FOXP2: variants seen among roughly 807,000 people sequenced by gnomAD.
The protein encoded by FOXP2 is forkhead box protein P2.
In FOXP2, 12 loss-of-function variants were observed where a neutral mutation model predicts 115.8. The ratio of observed to expected loss-of-function variants is 0.10; its 90% confidence interval spans 0.07 to 0.17. The LOEUF (loss-of-function observed/expected upper bound fraction) is 0.17, where lower values mean the gene tolerates loss of function less well. FOXP2 is among the 10% of genes least tolerant of loss of function. FOXP2 has a pLI of 1.00. For missense variants in FOXP2, 629 were observed against 843.5 expected, an observed-to-expected ratio of 0.75 and a Z score of 3.15; for synonymous variants, 328 against 297.7, an observed-to-expected ratio of 1.10 and a Z score of -1.05.
intron 6 of FOXP2, among the ~76,000 whole-genome samples, chr7:114,633,749 T>G (rs1805052374): frequency 6.6e-6 from 1 of 152,224 alleles, no homozygotes; most frequent in Non-Finnish European, 1.5e-5. Flanking sequence ...TACGGTACTA[T>G]GCTGGAATCC....
chr7:114,090,430 T>A (rs908558445), intron 1 of FOXP2, among the ~76,000 whole-genome samples: 3 of 151,884 alleles, frequency 2.0e-5, no homozygotes, highest in African/African-American at 7.2e-5. Flanking sequence ...TACTACTCTT[T>A]GATAAAAGAA....
chr7:114,480,716 T>C (rs960362979), intron 2 of FOXP2, among the ~76,000 whole-genome samples: 4 of 150,696 alleles, frequency 2.7e-5, no homozygotes, highest in African/African-American at 7.3e-5. Context: ...TATGTGCATG[T>C]ATATACATAT....
chr7:114,328,103 A>G (rs1797603559), intron 2 of FOXP2, among the ~76,000 whole-genome samples: 1 of 149,950 alleles, frequency 6.7e-6, no homozygotes, highest in Admixed American at 6.6e-5. Flanking sequence ...TTTTTCTTGT[A>G]GAGATGGGGT....
chr7:114,192,619 T>C (rs1448912642), intron 1 of FOXP2, among the ~76,000 whole-genome samples: 1 of 152,230 alleles, frequency 6.6e-6, no homozygotes, highest in Non-Finnish European at 1.5e-5. Flanking sequence ...ATCTAGGTTG[T>C]TTCATACAGC....
chr7:114,609,160 C>T (rs1161304229), intron 3 of FOXP2, among the ~76,000 whole-genome samples: 1 of 151,038 alleles, frequency 6.6e-6, no homozygotes, highest in African/African-American at 2.4e-5. Context: ...TTACAGTGAG[C>T]TGAGATTGCG....
At chr7:114,220,277 C>A (rs927520774) in intron 1 of FOXP2, among the ~76,000 whole-genome samples, 1 of 151,896 alleles carries the variant, frequency 6.6e-6, no homozygotes, top group Non-Finnish European at 1.5e-5. Flanking sequence ...GAACAAAATT[C>A]ATAAACCTAC....
chr7:114,506,927 G>C (rs555177386), intron 2 of FOXP2, among the ~76,000 whole-genome samples: 84 of 151,696 alleles, frequency 5.5e-4, no homozygotes, highest in African/African-American at 1.9e-3. Context: ...GCTTGTTGTA[G>C]GAGTAAATGT....
intron 3 of FOXP2, among the ~76,000 whole-genome samples, chr7:114,584,036 A>G (rs914902280): frequency 6.6e-5 from 10 of 152,156 alleles, no homozygotes; most frequent in African/African-American, 2.2e-4. Context: ...CTTTGCAATA[A>G]TTTTTATTAT....
chr7:114,285,039 TG>T (rs1796432256), intron 1 of FOXP2, among the ~76,000 whole-genome samples: 1 of 151,554 alleles, frequency 6.6e-6, no homozygotes, highest in Non-Finnish European at 1.5e-5. Context: ...GGGTTGAGGG[TG>T]GGAGGAGGGG....
intron 2 of FOXP2, among the ~76,000 whole-genome samples, chr7:114,316,546 C>G (rs1797281273): frequency 6.6e-6 from 1 of 152,024 alleles, no homozygotes; most frequent in African/African-American, 2.4e-5. Context: ...TACAGACTGA[C>G]ATTGATGGAA....
chr7:114,089,833 CTT>C (rs1362510792), intron 1 of FOXP2, among the ~76,000 whole-genome samples: 7 of 151,898 alleles, frequency 4.6e-5, no homozygotes, highest in Non-Finnish European at 8.8e-5. Flanking sequence ...AAACAAGTCT[CTT>C]TGCATAGATA....
At chr7:114,620,212 A>G (rs1021805270) in intron 3 of FOXP2, among the ~76,000 whole-genome samples, 4 of 152,070 alleles carry the variant, frequency 2.6e-5, no homozygotes, top group Non-Finnish European at 5.9e-5. Flanking sequence ...AACTTGATAT[A>G]TAACCTAACG....
intron 1 of FOXP2, among the ~76,000 whole-genome samples, chr7:114,147,229 AG>A (rs1792395306): frequency 6.6e-6 from 1 of 152,204 alleles, no homozygotes; most frequent in Admixed American, 6.5e-5. Flanking sequence ...TTTATATGAT[AG>A]GATTTTGCAA....
intron 2 of FOXP2, among the ~76,000 whole-genome samples, chr7:114,530,554 A>G (rs1562979577): frequency 6.6e-6 from 1 of 151,940 alleles, no homozygotes; most frequent in Admixed American, 6.6e-5. Flanking sequence ...TATAAACCTT[A>G]GCATACTCAA....
intron 1 of FOXP2, among the ~76,000 whole-genome samples, chr7:114,241,123 A>G (rs915625256): frequency 1.3e-5 from 2 of 152,084 alleles, no homozygotes; most frequent in African/African-American, 2.4e-5. Context: ...TTCTTAGACT[A>G]TTTTGTAGAA....
intron 2 of FOXP2, among the ~76,000 whole-genome samples, chr7:114,517,029 AAAT>A (rs1798379785): frequency 6.6e-6 from 1 of 150,562 alleles, no homozygotes; most frequent in Admixed American, 6.6e-5. Context: ...TTTTTTTTTT[AAAT>A]AATATCCATT....
chr7:114,564,823 G>C (rs1800925478), intron 3 of FOXP2, among the ~76,000 whole-genome samples: 1 of 150,304 alleles, frequency 6.7e-6, no homozygotes, highest in African/African-American at 2.5e-5. Flanking sequence ...GGATGCTGCA[G>C]TGAGCCAAGA....
At chr7:114,254,863 C>T (rs968677260) in intron 1 of FOXP2, among the ~76,000 whole-genome samples, 7 of 152,168 alleles carry the variant, frequency 4.6e-5, no homozygotes, top group East Asian at 1.9e-4. Flanking sequence ...GAGGGGGAGA[C>T]GCGCTCTCAT....
intron 1 of FOXP2, among the ~76,000 whole-genome samples, chr7:114,213,398 T>A (rs1212872757): frequency 6.6e-6 from 1 of 152,154 alleles, no homozygotes; most frequent in African/African-American, 2.4e-5. Context: ...AACATTTCAG[T>A]TTGTAAGCAT....
Sources: gnomAD v4.1 joint callset for allele counts (sites outside exome capture counted in the v4.1 genomes callset) on GRCh38, gnomAD v4.1.1 for gene constraint, MANE v1.5 for transcripts, NCBI Gene and HGNC (gene_info 2026-07-23, HGNC 2026-07-21) for gene names.